Variants in PTPRM observed in about 807,000 individuals in gnomAD.
The protein encoded by PTPRM is receptor-type tyrosine-protein phosphatase mu.
PTPRM carries 47 observed loss-of-function variants against 186.7 expected under a neutral mutation model. The observed-to-expected ratio is 0.25, with a 90% CI of 0.20 to 0.32. The LOEUF is 0.32. Ranked by LOEUF, PTPRM falls within the 10% of genes least tolerant of loss-of-function variation. PTPRM has a pLI of 1.00. For missense variants in PTPRM, 1,494 were observed against 1,865.0 expected (o/e 0.80, Z 3.66); for synonymous variants, 668 against 674.9 (o/e 0.99, Z 0.16).
chr18:7,921,479 C>T lies in PTPRM; in HGVS notation c.548-5089C>T, dbSNP rs113250128. ...CACTGCAAGCTTTGCCTCCCGGGTA[C>T]ATGCCATTCTCCTGCCTCAGCCTCC... On this transcript the variant is annotated intron_variant, in intron 4 of 32. Coordinates refer to ENST00000580170, the MANE Select transcript of PTPRM (RefSeq NM_001105244.2). Among the ~76,000 whole-genome samples, 873 of 151,396 alleles carry T rather than the reference C, an allele frequency of 5.8e-3. 12 individuals carry two copies. Among genetic ancestry groups the T allele is most frequent in the African/African-American group, 0.02 (839 of 41,206 alleles).
chr18:7,973,179 A>C (rs764599943), intron 7 of PTPRM, among the ~76,000 whole-genome samples: 1 of 152,116 alleles, frequency 6.6e-6, no homozygotes, highest in Non-Finnish European at 1.5e-5. Context: ...AATAAAGGGA[A>C]TATTTCAGTA....
chr18:7,740,367 C>T (rs2040862430), intron 1 of PTPRM, among the ~76,000 whole-genome samples: 1 of 152,182 alleles, frequency 6.6e-6, no homozygotes, highest in South Asian at 2.1e-4. Flanking sequence ...GGCATAAATG[C>T]AAGTTGCCCC....
chr18:7,617,446 GTAAGCTCTT>G (rs1389808503), intron 1 of PTPRM, among the ~76,000 whole-genome samples: 3 of 152,100 alleles, frequency 2.0e-5, no homozygotes, highest in African/African-American at 7.2e-5. Flanking sequence ...CTGTTAATCT[GTAAGCTCTT>G]TAAAGGCATA....
chr18:8,224,583 G>GA (rs1202761045), intron 14 of PTPRM, among the ~76,000 whole-genome samples: 3 of 152,034 alleles, frequency 2.0e-5, no homozygotes, highest in Non-Finnish European at 4.4e-5. Context: ...ATGTATTGGG[G>GA]AAAAAAATGA....
intron 1 of PTPRM, among the ~76,000 whole-genome samples, chr18:7,682,420 A>G (rs2039499930): frequency 6.6e-6 from 1 of 152,196 alleles, no homozygotes; most frequent in Non-Finnish European, 1.5e-5. Flanking sequence ...CTTAAGAAAA[A>G]GAATAAAGAA....
intron 14 of PTPRM, among the ~76,000 whole-genome samples, chr18:8,150,231 A>C (rs1464138401): frequency 2.0e-5 from 3 of 152,300 alleles, no homozygotes; most frequent in Middle Eastern, 3.4e-3. Flanking sequence ...TAATATCCTC[A>C]AGAGTGTTTT....
chr18:7,574,702 T>G (rs2143393966), intron 1 of PTPRM, among the ~76,000 whole-genome samples: 1 of 152,346 alleles, frequency 6.6e-6, no homozygotes, highest in Admixed American at 6.5e-5. Flanking sequence ...AAACTTTGCC[T>G]TTGGCAATAA....
rs188701398 is a variant in PTPRM at position 7,617,771 on chromosome 18, C to G, written c.73+49880C>G. 2.0e-5 allele frequency among the ~76,000 whole-genome samples: 3 copies of G among 152,252 alleles called. No individual in the cohort carries two copies. In the South Asian group the frequency reaches 6.2e-4, roughly 32 times the overall value. On this transcript the variant is annotated intron_variant, in intron 1 of 32. Coordinates refer to ENST00000580170, the MANE Select transcript of PTPRM (RefSeq NM_001105244.2). ...TCGTGAGAAGAGGATAATCATCAAC[C>G]GCTTGAGTTAATCTGGGGGAATGTC... is the stretch of plus-strand genomic sequence containing the variant.
At chr18:7,874,629 G>A (rs2048141880) in intron 2 of PTPRM, among the ~76,000 whole-genome samples, 1 of 151,674 alleles carries the variant, frequency 6.6e-6, no homozygotes, top group South Asian at 2.1e-4. Flanking sequence ...TAATAGAAAT[G>A]TAATAAGTTA....
chr18:7,915,775 A>G (rs1186172513), intron 4 of PTPRM, among the ~76,000 whole-genome samples: 1 of 152,204 alleles, frequency 6.6e-6, no homozygotes, highest in Non-Finnish European at 1.5e-5. Context: ...AATGTGCTGA[A>G]ATCCAAATCT....
At chr18:8,376,273 G>T in intron 25 of PTPRM, 73 bp downstream of exon 25, 1 of 1,571,762 alleles carries the variant, frequency 6.4e-7, no homozygotes. Flanking sequence ...TGGGGATGAT[G>T]AGTATGTTTT....
intron 11 of PTPRM, among the ~76,000 whole-genome samples, chr18:8,099,412 T>C (rs1163182889): frequency 6.6e-6 from 1 of 152,230 alleles, no homozygotes; most frequent in Non-Finnish European, 1.5e-5. Context: ...AGACACAGGC[T>C]TCCATGAGTA....
intron 1 of PTPRM, among the ~76,000 whole-genome samples, chr18:7,734,619 C>T (rs1365103665): frequency 6.6e-6 from 1 of 152,130 alleles, no homozygotes; most frequent in African/African-American, 2.4e-5. Flanking sequence ...GTGAAACTGA[C>T]TACAGATCTA....
At chr18:8,364,269 A>G (rs1188960894) in intron 23 of PTPRM, among the ~76,000 whole-genome samples, 1 of 152,206 alleles carries the variant, frequency 6.6e-6, no homozygotes, top group Non-Finnish European at 1.5e-5. Flanking sequence ...TAAGAAGTTA[A>G]TAATAGGATC....
chr18:8,186,942 A>ATTTTT (rs538870155), intron 14 of PTPRM, among the ~76,000 whole-genome samples: 1 of 143,734 alleles, frequency 7.0e-6, no homozygotes, highest in Admixed American at 7.0e-5. Flanking sequence ...CCTTGGGAAG[A>ATTTTT]TTTTTTTTTT....
intron 2 of PTPRM, among the ~76,000 whole-genome samples, chr18:7,842,881 TC>T (rs1161735514): frequency 1.2e-5 from 1 of 82,016 alleles, no homozygotes; most frequent in East Asian, 8.4e-4. Context: ...TATATGTTTC[TC>T]GTGTGTATAT....
chr18:8,344,340 A>C (rs1339187382), intron 23 of PTPRM, among the ~76,000 whole-genome samples: 5 of 151,684 alleles, frequency 3.3e-5, no homozygotes, highest in Non-Finnish European at 7.4e-5. Context: ...AGGAAGAAGA[A>C]AGACATCACA....
intron 9 of PTPRM, among the ~76,000 whole-genome samples, chr18:8,085,330 T>G (rs1043438160): frequency 6.6e-6 from 1 of 152,136 alleles, no homozygotes; most frequent in African/African-American, 2.4e-5. Context: ...CTTATCTGTT[T>G]GAGCTAGTTG....
intron 14 of PTPRM, among the ~76,000 whole-genome samples, chr18:8,212,222 C>T (rs553890172): frequency 1.5e-3 from 223 of 152,172 alleles, no homozygotes; most frequent in Non-Finnish European, 2.0e-3. Flanking sequence ...AAAGCATGAA[C>T]GGAAATTTGG....
Sources: allele counts gnomAD v4.1 joint callset (sites outside exome capture counted in the v4.1 genomes callset), GRCh38; gene constraint gnomAD v4.1.1; transcripts MANE v1.5; gene names NCBI Gene and HGNC (gene_info 2026-07-23, HGNC 2026-07-21).